Variants in UAP1 observed in about 807,000 individuals in gnomAD.
UAP1 encodes UDP-N-acetylhexosamine pyrophosphorylase.
UAP1 carries 25 observed loss-of-function variants against 58.5 expected under a neutral mutation model. The observed-to-expected ratio is 0.43, with a 90% confidence interval of 0.31 to 0.60. The LOEUF (loss-of-function observed/expected upper bound fraction) is 0.60. UAP1 is among the 20% of genes least tolerant of loss of function. UAP1 has a pLI of 0.11. For missense variants in UAP1, 575 were observed against 630.0 expected, an observed-to-expected ratio of 0.91 and a Z score of 0.93; for synonymous variants, 208 against 213.0, an observed-to-expected ratio of 0.98 and a Z score of 0.21.
intron 2 of UAP1, among the ~76,000 whole-genome samples, chr1:162,573,281 G>A (rs1022230740): frequency 2.0e-5 from 3 of 152,022 alleles, no homozygotes; most frequent in African/African-American, 7.2e-5. Context: ...AAAAAAAAAG[G>A]CAGCACAACC....
At chr1:162,577,435 C>CT (rs67627704) in intron 3 of UAP1, among the ~76,000 whole-genome samples, 2,287 of 95,248 alleles carry the variant, frequency 0.024, 227 homozygotes, top group Non-Finnish European at 0.032. Context: ...AGTTCCTTCC[C>CT]TTTTTTTTTT....
chr1:162,570,961 C>T (rs1187556755), intron 2 of UAP1, among the ~76,000 whole-genome samples: 1 of 152,126 alleles, frequency 6.6e-6, no homozygotes, highest in Admixed American at 6.5e-5. Context: ...CTCTGACAGG[C>T]CACTGTAAAC....
At chr1:162,590,743 T>G (rs188628136) in intron 8 of UAP1, among the ~76,000 whole-genome samples, 2 of 152,240 alleles carry the variant, frequency 1.3e-5, no homozygotes, top group Non-Finnish European at 2.9e-5. Flanking sequence ...TAATTTTTAT[T>G]TTTTGGAAAC....
intron 8 of UAP1, among the ~76,000 whole-genome samples, chr1:162,592,033 A>C (rs1297179278): frequency 1.3e-5 from 2 of 152,210 alleles, no homozygotes; most frequent in Non-Finnish European, 2.9e-5. Context: ...TACTTATGTA[A>C]AAAGCATTCT....
chr1:162,575,565 G>A (rs1220412367), intron 2 of UAP1, among the ~76,000 whole-genome samples: 2 of 150,946 alleles, frequency 1.3e-5, no homozygotes, highest in East Asian at 3.9e-4. Context: ...CTGAGTAGCT[G>A]GGATTACAGG....
intron 5 of UAP1, among the ~76,000 whole-genome samples, chr1:162,582,762 A>G (rs113664581): frequency 0.023 from 3,448 of 152,370 alleles, 86 homozygotes; most frequent in Middle Eastern, 0.041. Context: ...CTGTATTTAA[A>G]AAGAAGATCT....
intron 9 of UAP1, chr1:162,593,104 A>G: frequency 2.7e-6 from 1 of 373,668 alleles, no homozygotes; most frequent in East Asian, 4.6e-5. Flanking sequence ...TTGCACCTTT[A>G]ACATAAGCTT....
At chr1:162,586,344 C>G (rs943408792) in intron 5 of UAP1, among the ~76,000 whole-genome samples, 5 of 152,196 alleles carry the variant, frequency 3.3e-5, no homozygotes, top group African/African-American at 1.2e-4. Context: ...ATTTTTGAGA[C>G]AGGGTCTTAC....
At chr1:162,587,660 T>A (rs1464226303) in exon 6 of UAP1, 2 of 1,612,270 alleles carry the variant, frequency 1.2e-6, no homozygotes, top group Non-Finnish European at 1.7e-6. Context: ...TTCTGAGAGA[T>A]GTTGTCAAGT....
intron 8 of UAP1, among the ~76,000 whole-genome samples, chr1:162,591,773 G>T (rs1011970198): frequency 6.7e-6 from 1 of 149,716 alleles, no homozygotes; most frequent in East Asian, 2.0e-4. Context: ...GGCGTGAGCC[G>T]CCATGTCTGG....
At chr1:162,589,012 A>G (rs1655087092) in intron 7 of UAP1, among the ~76,000 whole-genome samples, 179 bp downstream of exon 7, 1 of 145,178 alleles carries the variant, frequency 6.9e-6, no homozygotes, top group Non-Finnish European at 1.5e-5. Flanking sequence ...CAGGAGTGTG[A>G]TCTGAGTTGC....
intron 9 of UAP1, 189 bp downstream of exon 9, chr1:162,592,971 C>G (rs896110055): frequency 1.8e-6 from 1 of 571,080 alleles, no homozygotes; most frequent in Non-Finnish European, 3.2e-6. Context: ...AATCTTGTTG[C>G]ATGCTGGAAA....
chr1:162,587,570 A>G (rs1423105870), exon 6 of UAP1: 2 of 1,614,046 alleles, frequency 1.2e-6, no homozygotes, highest in East Asian at 2.2e-5. Flanking sequence ...TTTCCCTGGC[A>G]ACAGCTCAAA....
chr1:162,592,740 C>A, exon 9 of UAP1: 1 of 1,549,332 alleles, frequency 6.5e-7, no homozygotes, highest in Non-Finnish European at 8.7e-7. Context: ...AGCAGTGCTA[C>A]AAATGGGAAG....
chr1:162,596,658 A>G (rs1030893717), intron 9 of UAP1, among the ~76,000 whole-genome samples: 1 of 152,178 alleles, frequency 6.6e-6, no homozygotes, highest in Non-Finnish European at 1.5e-5. Flanking sequence ...GAGTCTCAGG[A>G]TAAGTAAGGT....
chr1:162,569,033 A>G (rs187062958), intron 2 of UAP1, among the ~76,000 whole-genome samples: 133 of 152,354 alleles, frequency 8.7e-4, no homozygotes, highest in Non-Finnish European at 1.5e-3. Context: ...CAAAGGAAAG[A>G]TATTTATCTG....
At chr1:162,577,174 C>T (rs1204500246) in intron 3 of UAP1, among the ~76,000 whole-genome samples, 193 bp downstream of exon 3, 1 of 151,958 alleles carries the variant, frequency 6.6e-6, no homozygotes, top group African/African-American at 2.4e-5. Context: ...ACTTAATAAG[C>T]AATATATACT....
rs573372564 is a variant in UAP1, at chr1:162,564,937, C to T, written c.-57-1075C>T. Among the ~76,000 whole-genome samples the T allele has an allele frequency of 5.3e-5, 8 of 152,192 alleles. No individual in the cohort carries two copies. The East Asian group carries it at 7.7e-4, about 15-fold the overall frequency. Reference sequence around the variant, plus strand: ...TGCTGAGGCTGGAGTGACATGATTACGCCTCATTGTAGCCTCGACCTTCCG... The same window carrying T: ...TGCTGAGGCTGGAGTGACATGATTATGCCTCATTGTAGCCTCGACCTTCCG... On this transcript the variant is annotated intron_variant, in intron 1 of 10. Coordinates refer to ENST00000271469, the Ensembl canonical transcript of UAP1.
At chr1:162,576,800 A>C (rs1402483839) in exon 3 of UAP1, 1 of 1,614,140 alleles carries the variant, frequency 6.2e-7, no homozygotes, top group Non-Finnish European at 8.5e-7. Flanking sequence ...TTCTCAGAAT[A>C]AAGTAGCAGT....
Sources: gnomAD v4.1 joint callset for allele counts (sites outside exome capture counted in the v4.1 genomes callset) on GRCh38, gnomAD v4.1.1 for gene constraint, MANE v1.5 for transcripts, NCBI Gene and HGNC (gene_info 2026-07-23, HGNC 2026-07-21) for gene names.